Variants in ARHGAP24 observed in about 807,000 individuals in gnomAD.
ARHGAP24 encodes Rho GTPase activating protein 24.
ARHGAP24 carries 50 observed loss-of-function variants against 76.4 expected under a neutral mutation model. The observed-to-expected ratio is 0.65, with a 90% CI of 0.52 to 0.83. ARHGAP24 has a LOEUF of 0.83. Ranked by LOEUF, ARHGAP24 falls within the 40% of genes least tolerant of loss-of-function variation. The pLI is 0.00. For synonymous variants in ARHGAP24, 345 were observed against 323.3 expected, an observed-to-expected ratio of 1.07 and a Z score of -0.72; for missense variants, 930 against 914.2, an observed-to-expected ratio of 1.02 and a Z score of -0.22.
At chr4:85,980,051 G>A (rs1425078563) in intron 8 of ARHGAP24, among the ~76,000 whole-genome samples, 1 of 151,996 alleles carries the variant, frequency 6.6e-6, no homozygotes, top group African/African-American at 2.4e-5. Context: ...AGATTTCTTA[G>A]GCTCATATGT....
intron 2 of ARHGAP24, among the ~76,000 whole-genome samples, chr4:85,700,490 C>A (rs925349470): frequency 6.6e-6 from 1 of 151,326 alleles, no homozygotes; most frequent in Non-Finnish European, 1.5e-5. Context: ...GAAAGTCAAA[C>A]GTAACTTCAA....
chr4:85,741,155 C>T (rs1725808682), intron 3 of ARHGAP24, among the ~76,000 whole-genome samples: 1 of 152,158 alleles, frequency 6.6e-6, no homozygotes, highest in African/African-American at 2.4e-5. Flanking sequence ...CAAACCAAGA[C>T]ATTCACAGGA....
At chr4:85,634,793 A>G (rs1177495261) in intron 2 of ARHGAP24, among the ~76,000 whole-genome samples, 3 of 151,838 alleles carry the variant, frequency 2.0e-5, no homozygotes, top group African/African-American at 7.2e-5. Flanking sequence ...AACTCTTGAG[A>G]TGCTTAGAAT....
In ARHGAP24 at chr4:85,570,685, C is replaced by CTAT; in HGVS notation, c.149_151dup (p.Tyr50dup). The CTAT allele has an allele frequency of 1.2e-6, 2 of 1,613,964 alleles. No homozygotes were observed. The highest frequency in any genetic ancestry group is 3.3e-4 in the Middle Eastern group (2 of 6,062). ...GGTTTGTGCTCAAGGGGGATCAGCT[C>CTAT]TATTATTTCAAAGATGAAGATGAAA... On this transcript the variant is annotated inframe_insertion, in exon 2 of 10. Coordinates refer to ENST00000395184, the MANE Select transcript of ARHGAP24 (RefSeq NM_001025616.3).
At position 85,941,650 on chromosome 4, in the gene ARHGAP24, A is replaced by G. The variant is rs556886629; in HGVS notation, c.392-416A>G. ...GAAATAGGATTTAAATGCAAATTGG[A>G]CATAAATATAAAACTGTAATAAAGG... is the stretch of plus-strand genomic sequence containing the variant. On this transcript the variant is annotated intron_variant, in intron 4 of 9. Coordinates refer to ENST00000395184, the MANE Select transcript of ARHGAP24 (RefSeq NM_001025616.3). Among the ~76,000 whole-genome samples, 9 of 152,354 alleles carry G rather than the reference A, an allele frequency of 5.9e-5. No individual in the cohort carries two copies. The South Asian group carries it at 1.9e-3, about 32-fold the overall frequency.
chr4:85,923,922 T>C, intron 4 of ARHGAP24, 152 bp downstream of exon 4: 1 of 1,149,202 alleles, frequency 8.7e-7, no homozygotes, highest in Middle Eastern at 2.8e-4. Context: ...TAGACGTATG[T>C]CTTCGTAAAT....
intron 3 of ARHGAP24, among the ~76,000 whole-genome samples, chr4:85,789,402 C>T (rs1380755169): frequency 2.0e-5 from 3 of 151,226 alleles, no homozygotes; most frequent in Non-Finnish European, 4.4e-5. Flanking sequence ...AGAATCAGTC[C>T]GCAGGTTGGC....
intron 3 of ARHGAP24, among the ~76,000 whole-genome samples, chr4:85,828,484 T>G (rs1056763437): frequency 3.3e-5 from 5 of 151,820 alleles, no homozygotes; most frequent in Admixed American, 2.6e-4. Flanking sequence ...TGAAAACAAC[T>G]ACTTGGCCAT....
intron 2 of ARHGAP24, among the ~76,000 whole-genome samples, chr4:85,623,351 G>A (rs1283806668): frequency 3.3e-5 from 5 of 152,122 alleles, no homozygotes; most frequent in African/African-American, 1.2e-4. Context: ...TATTAAGTAG[G>A]GAATCCTTTC....
chr4:85,790,829 C>T lies in ARHGAP24; in HGVS notation c.268+68857C>T, dbSNP rs190171988. Reference sequence around the variant, plus strand: ...GCTCTTGTCTCTACTGAGAAATATGCTAGTCTAGGGAATATTGAATAAGCA... The same window carrying T: ...GCTCTTGTCTCTACTGAGAAATATGTTAGTCTAGGGAATATTGAATAAGCA... On this transcript the variant is annotated intron_variant, in intron 3 of 9. Transcript: ENST00000395184. 1.3e-4 allele frequency among the ~76,000 whole-genome samples: 20 copies of T among 152,276 alleles called. 1 individual carries two copies. The highest frequency in any genetic ancestry group is 1.3e-3 in the Admixed American group (20 of 15,294).
At chr4:85,889,785 T>C (rs1298296488) in intron 3 of ARHGAP24, among the ~76,000 whole-genome samples, 1 of 152,180 alleles carries the variant, frequency 6.6e-6, no homozygotes, top group Non-Finnish European at 1.5e-5. Context: ...GGTACTTCTA[T>C]CATTTACAGC....
intron 2 of ARHGAP24, among the ~76,000 whole-genome samples, chr4:85,669,054 C>T (rs747850225): frequency 6.6e-6 from 1 of 152,000 alleles, no homozygotes; most frequent in Non-Finnish European, 1.5e-5. Flanking sequence ...GAGTTGTTAT[C>T]GCATTACTGA....
intron 2 of ARHGAP24, among the ~76,000 whole-genome samples, chr4:85,602,757 A>G (rs1046830075): frequency 1.3e-5 from 2 of 152,222 alleles, no homozygotes; most frequent in South Asian, 2.1e-4. Context: ...AGAATCAAAC[A>G]GTGGCCTATC....
chr4:85,764,494 A>T (rs1010935962), intron 3 of ARHGAP24, among the ~76,000 whole-genome samples: 6 of 152,184 alleles, frequency 3.9e-5, no homozygotes, highest in Non-Finnish European at 8.8e-5. Context: ...TAACCAGATA[A>T]AACACAGGTT....
intron 3 of ARHGAP24, among the ~76,000 whole-genome samples, chr4:85,908,625 ACT>A (rs1734903891): frequency 6.6e-6 from 1 of 152,208 alleles, no homozygotes; most frequent in African/African-American, 2.4e-5. Context: ...GGGATTACTT[ACT>A]AAAGTGTAAT....
chr4:85,610,793 C>A (rs1188012055), intron 2 of ARHGAP24, among the ~76,000 whole-genome samples: 1 of 152,082 alleles, frequency 6.6e-6, no homozygotes, highest in Non-Finnish European at 1.5e-5. Context: ...TCTTTCCAGG[C>A]CTCCTACAGT....
intron 6 of ARHGAP24, 125 bp downstream of exon 6, chr4:85,972,293 C>T: frequency 7.9e-7 from 1 of 1,263,020 alleles, no homozygotes; most frequent in East Asian, 2.4e-5. Flanking sequence ...TTTGAATTGA[C>T]CTCACACACA....
At chr4:85,847,175 G>A (rs1227957317) in intron 3 of ARHGAP24, among the ~76,000 whole-genome samples, 2 of 152,046 alleles carry the variant, frequency 1.3e-5, no homozygotes, top group Non-Finnish European at 2.9e-5. Flanking sequence ...TTGATGATCT[G>A]CAATGAATTT....
chr4:85,705,990 A>G (rs949167492), intron 2 of ARHGAP24, among the ~76,000 whole-genome samples: 3 of 152,216 alleles, frequency 2.0e-5, no homozygotes, highest in South Asian at 2.1e-4. Flanking sequence ...GTCAAGAACC[A>G]TAGGATATTC....
Sources: allele counts gnomAD v4.1 joint callset (sites outside exome capture counted in the v4.1 genomes callset), GRCh38; gene constraint gnomAD v4.1.1; transcripts MANE v1.5; gene names NCBI Gene and HGNC (gene_info 2026-07-23, HGNC 2026-07-21).